The following FAM107A variants were observed in gnomAD, a reference collection of about 807,000 sequenced individuals.
FAM107A encodes the protein family with sequence similarity 107 member A, also known as actin-associated protein FAM107A.
In FAM107A, 19 loss-of-function variants were observed where a neutral mutation model predicts 13.7. That is an observed-to-expected ratio of 1.38 (90% CI 0.97 to 2.03). The LOEUF (loss-of-function observed/expected upper bound fraction) is 2.03. FAM107A is among the 30% of genes most tolerant of loss of function. The pLI, the probability that FAM107A is intolerant of heterozygous loss-of-function variation, is 0.00. For synonymous variants in FAM107A, 82 were observed against 74.5 expected (o/e 1.10, Z -0.52); for missense variants, 203 against 184.4 (o/e 1.10, Z -0.58).
At chr3:58,614,624 C>T (rs2065884839) in intron 1 of FAM107A, among the ~76,000 whole-genome samples, 1 of 151,892 alleles carries the variant, frequency 6.6e-6, no homozygotes, top group African/African-American at 2.4e-5. Flanking sequence ...CTTGCCTCAG[C>T]CTCCCAAGTA....
At chr3:58,608,553 C>G (rs2065821258) in intron 1 of FAM107A, among the ~76,000 whole-genome samples, 1 of 152,210 alleles carries the variant, frequency 6.6e-6, no homozygotes, top group Non-Finnish European at 1.5e-5. Flanking sequence ...ATAGTTATCC[C>G]CATTTTACAG....
rs2063608037 is a variant in FAM107A, at chr3:58,565,234, G to T, written c.*1354C>A. ...TCTCACACAGGAAAGGCCTTCTGAA[G>T]AAGAAAAATGGGTGAATTCACTGGA... On this transcript the variant is annotated 3_prime_UTR_variant, in exon 4 of 4. Transcript: ENST00000360997. 1 of 152,028 alleles carries T rather than the reference G, an allele frequency of 6.6e-6. No individual in the cohort carries two copies. Among genetic ancestry groups the T allele is most frequent in the Admixed American group, 6.6e-5 (1 of 15,258 alleles). 9.4% of individuals were successfully genotyped at this position (152,028 alleles called of 1,614,324 possible).
Position 58,583,492 on chromosome 3 carries a change from G to A in FAM107A, c.79+3366C>T, listed in dbSNP as rs190579272. 3.4e-3 allele frequency among the ~76,000 whole-genome samples: 510 copies of A among 152,148 alleles called. 6 individuals carry two copies. Among genetic ancestry groups the A allele is most frequent in the African/African-American group, 0.012 (482 of 41,508 alleles). ...ACAAAATTAGCCGGGCGTGGTGGCG[G>A]GAGCCTGTAATTCCAGCTACTCAGG... On this transcript the variant is annotated intron_variant, in intron 1 of 3. Coordinates refer to the FAM107A transcript ENST00000447756.
chr3:58,624,793 G>C (rs1053676775), intron 1 of FAM107A, among the ~76,000 whole-genome samples: 2 of 152,190 alleles, frequency 1.3e-5, no homozygotes, highest in African/African-American at 4.8e-5. Context: ...CTGGCCCAGG[G>C]GTCATGTGCC....
At position 58,586,839 on chromosome 3, in the gene FAM107A, T is replaced by A. The variant is rs1013544628; in HGVS notation, c.79+19A>T. The A allele has an allele frequency of 1.1e-5, 17 of 1,521,532 alleles. No individual in the cohort carries two copies. The African/African-American group carries it at 2.4e-4, about 21-fold the overall frequency. The allele number at this position is 1,521,532 out of a possible 1,614,324, so 94.3% of individuals were successfully genotyped here. A position where few individuals can be genotyped will look rare whatever the true frequency, so the allele number is the denominator to read the frequency against. ...CCTCGCCCACTTCCCGCGGCGAGGGTGGCGTTGCTCCCACTTACCCGACCG... is the reference window on the plus strand; with the variant it reads ...CCTCGCCCACTTCCCGCGGCGAGGGAGGCGTTGCTCCCACTTACCCGACCG... On this transcript the variant is annotated intron_variant, in intron 1 of 3. Coordinates refer to the FAM107A transcript ENST00000447756.
intron 1 of FAM107A, among the ~76,000 whole-genome samples, chr3:58,594,039 C>G (rs1257354107): frequency 1.3e-5 from 2 of 151,864 alleles, no homozygotes; most frequent in Admixed American, 1.3e-4. Context: ...CTTTGTGCAT[C>G]TCTCGGCAAA....
chr3:58,587,038 C>G, exon 1 of FAM107A: 1 of 1,375,062 alleles, frequency 7.3e-7, no homozygotes, highest in Non-Finnish European at 9.4e-7. Context: ...TGACGCGGCC[C>G]CAAGTCCCAA....
At chr3:58,600,095 C>A (rs1054107834) in intron 1 of FAM107A, among the ~76,000 whole-genome samples, 1 of 152,012 alleles carries the variant, frequency 6.6e-6, no homozygotes, top group Non-Finnish European at 1.5e-5. Flanking sequence ...GGAGATTGAG[C>A]CTTCTTTTGA....
chr3:58,576,921 G>C (rs1216486837), intron 1 of FAM107A, among the ~76,000 whole-genome samples: 1 of 152,218 alleles, frequency 6.6e-6, no homozygotes, highest in Non-Finnish European at 1.5e-5. Context: ...TTGAATCTGA[G>C]CCAAACTCTG....
Position 58,566,507 on chromosome 3 carries a change from G to A in FAM107A, c.*81C>T. 2 of 935,298 alleles carry A rather than the reference G, an allele frequency of 2.1e-6. No individual in the cohort carries two copies. The highest frequency in any genetic ancestry group is 3.4e-6 in the Non-Finnish European group (2 of 581,996). The allele number at this position is 935,298 out of a possible 1,614,324, so 57.9% of individuals were successfully genotyped here. ...CATCACAGACGTCCCAGGGCCTGGG[G>A]CCCAGGGCTGCCAGGTACAGAAGGG... is the stretch of plus-strand genomic sequence containing the variant. On this transcript the variant is annotated 3_prime_UTR_variant, in exon 4 of 4. Coordinates refer to ENST00000360997, the MANE Select transcript of FAM107A (RefSeq NM_001076778.3).
chr3:58,582,788 G>C (rs1199085907), intron 1 of FAM107A, among the ~76,000 whole-genome samples: 1 of 152,184 alleles, frequency 6.6e-6, no homozygotes, highest in African/African-American at 2.4e-5. Context: ...ACTCACTTAA[G>C]AGCATTCAAG....
intron 1 of FAM107A, among the ~76,000 whole-genome samples, chr3:58,585,717 C>G (rs2065598771): frequency 6.6e-6 from 1 of 152,248 alleles, no homozygotes; most frequent in African/African-American, 2.4e-5. Flanking sequence ...GTGCAGGACC[C>G]CAGCACGAGA....
intron 1 of FAM107A, among the ~76,000 whole-genome samples, chr3:58,602,760 C>T (rs2065763340): frequency 6.6e-6 from 1 of 152,136 alleles, no homozygotes; most frequent in Admixed American, 6.6e-5. Flanking sequence ...TTCAGTCTTA[C>T]ATATCTATAT....
chr3:58,582,026 C>CTG (rs1172678653), upstream of FAM107A, among the ~76,000 whole-genome samples: 4 of 151,678 alleles, frequency 2.6e-5, no homozygotes, highest in Admixed American at 1.3e-4. Context: ...GTCTGTTTCT[C>CTG]TGTGTGTGTG....
upstream of FAM107A, among the ~76,000 whole-genome samples, chr3:58,590,129 C>A (rs1313165511): frequency 6.6e-6 from 1 of 152,212 alleles, no homozygotes; most frequent in Non-Finnish European, 1.5e-5. Flanking sequence ...TGACCTTGTC[C>A]AATCAGCTAC....
intron 1 of FAM107A, among the ~76,000 whole-genome samples, chr3:58,614,634 A>T (rs577679661): frequency 2.6e-5 from 4 of 151,152 alleles, no homozygotes; most frequent in African/African-American, 9.8e-5. Flanking sequence ...CCTCCCAAGT[A>T]TCTGGGATTA....
At chr3:58,600,170 C>T (rs539691884) in intron 1 of FAM107A, among the ~76,000 whole-genome samples, 1 of 152,082 alleles carries the variant, frequency 6.6e-6, no homozygotes, top group East Asian at 1.9e-4. Context: ...AGGGGAAACC[C>T]TTTTTTGGAA....
intron 1 of FAM107A, among the ~76,000 whole-genome samples, chr3:58,584,851 G>C (rs746154393): frequency 1.3e-5 from 2 of 152,240 alleles, no homozygotes; most frequent in African/African-American, 2.4e-5. Flanking sequence ...AGAAAATTCC[G>C]TAACGGGGCT....
upstream of FAM107A, among the ~76,000 whole-genome samples, chr3:58,590,789 T>G (rs191764265): frequency 6.6e-6 from 1 of 152,292 alleles, no homozygotes; most frequent in East Asian, 1.9e-4. Context: ...ATGTGGGGAT[T>G]GCAATTTGAG....
Sources: gnomAD v4.1 joint callset for allele counts (sites outside exome capture counted in the v4.1 genomes callset) on GRCh38, gnomAD v4.1.1 for gene constraint, MANE v1.5 for transcripts, NCBI Gene and HGNC (gene_info 2026-07-23, HGNC 2026-07-21) for gene names.